Variants in SETBP1 observed in about 807,000 individuals in gnomAD.
SETBP1 encodes the protein SET-binding protein.
A neutral mutation model predicts 101.0 loss-of-function variants in SETBP1; 9 were observed. That is an observed-to-expected ratio of 0.09 (90% CI 0.05 to 0.16). The LOEUF is 0.16. Among genes scored for constraint, SETBP1 ranks in the 10% least tolerant of loss-of-function variants. The pLI, the probability that SETBP1 is intolerant of heterozygous loss-of-function variation, is 1.00. For synonymous variants in SETBP1, 818 were observed against 788.5 expected, an observed-to-expected ratio of 1.04 and a Z score of -0.63; for missense variants, 1,858 against 2,033.8, an observed-to-expected ratio of 0.91 and a Z score of 1.66.
intron 2 of SETBP1, among the ~76,000 whole-genome samples, chr18:44,830,377 C>G (rs1225024140): frequency 6.6e-6 from 1 of 152,218 alleles, no homozygotes; most frequent in East Asian, 1.9e-4. Flanking sequence ...GTATTTTACT[C>G]AACCATACAA....
chr18:45,042,338 C>T (rs1387633987), intron 5 of SETBP1, among the ~76,000 whole-genome samples: 3 of 151,926 alleles, frequency 2.0e-5, no homozygotes, highest in Non-Finnish European at 2.9e-5. Flanking sequence ...TTAGTAGAGG[C>T]GGGGTTTCAC....
At chr18:44,779,999 G>A (rs1410005440) in intron 2 of SETBP1, among the ~76,000 whole-genome samples, 1 of 151,942 alleles carries the variant, frequency 6.6e-6, no homozygotes, top group Non-Finnish European at 1.5e-5. Flanking sequence ...CACACACTCT[G>A]CACTTTCCCG....
chr18:44,837,705 G>A (rs1415185280), intron 2 of SETBP1, among the ~76,000 whole-genome samples: 1 of 152,204 alleles, frequency 6.6e-6, no homozygotes, highest in Non-Finnish European at 1.5e-5. Flanking sequence ...GGATGAGCAT[G>A]ACAGCTGCCC....
chr18:44,687,448 G>A (rs1456780302), intron 1 of SETBP1, among the ~76,000 whole-genome samples: 1 of 152,174 alleles, frequency 6.6e-6, no homozygotes, highest in East Asian at 1.9e-4. Context: ...GAAAGGGAAG[G>A]TGGTGCCCTG....
intron 2 of SETBP1, among the ~76,000 whole-genome samples, chr18:44,734,555 C>T (rs1292141390): frequency 6.6e-6 from 1 of 152,196 alleles, no homozygotes; most frequent in Non-Finnish European, 1.5e-5. Flanking sequence ...CGTGAATTCC[C>T]TGACCACACT....
At position 44,930,493 on chromosome 18, in the gene SETBP1, C is replaced by A. The variant is rs373272072; in HGVS notation, c.541-19388C>A. 1.4e-4 allele frequency among the ~76,000 whole-genome samples: 22 copies of A among 152,178 alleles called. No homozygotes were observed. The East Asian group carries it at 2.9e-3, about 20-fold the overall frequency. On this transcript the variant is annotated intron_variant, in intron 3 of 5. Coordinates refer to ENST00000649279, the MANE Select transcript of SETBP1 (RefSeq NM_015559.3). ...ATTCACTCTTTTTCTATTGATTGGA[C>A]TAGTTTCAGAAGGAATGGTACCAGT...
rs752490647 is a variant in SETBP1 at position 44,950,128 on chromosome 18, C to T, written c.788C>T (p.Ala263Val). ...GAGCCCGTGGCTTCCTTTGCAAAGG[C>T]CCAGGGTAAGAAAGGCAGTGCAGGG... Reference protein sequence around the residue: ...ALEPVASFAKAQGKKGSAGNT... With the variant: ...ALEPVASFAKVQGKKGSAGNT... Residue 263 changes from alanine to valine, a missense_variant, in exon 4 of 6, where the codon GCC becomes GTC. By Grantham distance (64) the Ala-to-Val change is moderately conservative. Around this residue, in one of 12 missense-constraint regions of SETBP1, gnomAD observed 581 missense variants for 535.1 expected, o/e 1.09. Coordinates refer to ENST00000649279, the MANE Select transcript of SETBP1 (RefSeq NM_015559.3). 8.1e-6 allele frequency: 13 copies of T among 1,613,802 alleles called. No individual in the cohort carries two copies. The highest frequency in any genetic ancestry group is 1.3e-5 in the African/African-American group (1 of 74,932).
chr18:44,967,884 C>T (rs1269050649), intron 4 of SETBP1, among the ~76,000 whole-genome samples: 2 of 152,194 alleles, frequency 1.3e-5, no homozygotes, highest in African/African-American at 4.8e-5. Context: ...TGCCATTTCT[C>T]TCTCTCAGAA....
chr18:44,976,369 A>C (rs1218849788), intron 4 of SETBP1, among the ~76,000 whole-genome samples: 1 of 152,186 alleles, frequency 6.6e-6, no homozygotes, highest in African/African-American at 2.4e-5. Context: ...AAGCAAATGA[A>C]CCTGAGTGAG....
intron 3 of SETBP1, among the ~76,000 whole-genome samples, chr18:44,944,548 C>T (rs1471181394): frequency 6.6e-6 from 1 of 152,160 alleles, no homozygotes; most frequent in Non-Finnish European, 1.5e-5. Flanking sequence ...TTGTAACTAG[C>T]ACCTTCAGTG....
At chr18:44,929,533 C>A (rs2144981356) in intron 3 of SETBP1, among the ~76,000 whole-genome samples, 1 of 152,200 alleles carries the variant, frequency 6.6e-6, no homozygotes, top group Non-Finnish European at 1.5e-5. Flanking sequence ...GGCAATATGG[C>A]CATTCTCACG....
chr18:44,971,734 C>T (rs1275692286), intron 4 of SETBP1, among the ~76,000 whole-genome samples: 3 of 151,750 alleles, frequency 2.0e-5, no homozygotes, highest in Admixed American at 6.6e-5. Flanking sequence ...TTTGTTTTTT[C>T]CTTGTAAATT....
At chr18:44,918,276 G>A (rs1254192521) in intron 3 of SETBP1, among the ~76,000 whole-genome samples, 3 of 152,166 alleles carry the variant, frequency 2.0e-5, no homozygotes, top group Admixed American at 6.6e-5. Flanking sequence ...CACTTATGGG[G>A]CAAGGGTCAC....
intron 4 of SETBP1, among the ~76,000 whole-genome samples, chr18:45,024,141 T>C (rs1188056653): frequency 6.6e-6 from 1 of 152,126 alleles, no homozygotes; most frequent in African/African-American, 2.4e-5. Context: ...CTCTCTCCCC[T>C]CTAAAACAAA....
chr18:45,063,811 A>G lies in SETBP1; in HGVS notation c.*113A>G. 7.9e-7 allele frequency: 1 copy of G among 1,265,764 alleles called. No individual in the cohort carries two copies. The highest frequency in any genetic ancestry group is 1.1e-6 in the Non-Finnish European group (1 of 918,688). The allele number at this position is 1,265,764 out of a possible 1,614,324, so 78.4% of individuals were successfully genotyped here. A position where few individuals can be genotyped will look rare whatever the true frequency, so the allele number is the denominator to read the frequency against. ...CAGGGACACCCACGCCCTTCTCTCC[A>G]GAAGCCGGGCAGGCAGAATCCGGCC... On this transcript the variant is annotated 3_prime_UTR_variant, in exon 6 of 6. Transcript: ENST00000649279.
chr18:44,816,581 T>G (rs928374831), intron 2 of SETBP1, among the ~76,000 whole-genome samples: 4 of 152,190 alleles, frequency 2.6e-5, no homozygotes, highest in African/African-American at 9.6e-5. Flanking sequence ...ACGGGAGTCC[T>G]TTCTGTGCAC....
At chr18:44,994,877 G>C (rs924659882) in intron 4 of SETBP1, among the ~76,000 whole-genome samples, 1 of 152,152 alleles carries the variant, frequency 6.6e-6, no homozygotes, top group African/African-American at 2.4e-5. Context: ...GGGCAGGGTT[G>C]CCATGTATGG....
intron 3 of SETBP1, among the ~76,000 whole-genome samples, chr18:44,910,177 G>A (rs960322925): frequency 3.3e-5 from 5 of 152,080 alleles, no homozygotes; most frequent in Non-Finnish European, 1.5e-5. Context: ...TGGAGCAGGA[G>A]GTTCTCACTA....
chr18:44,805,165 CTAGGGATTTAAAT>C (rs1316993922), intron 2 of SETBP1, among the ~76,000 whole-genome samples: 9 of 152,150 alleles, frequency 5.9e-5, no homozygotes, highest in South Asian at 2.1e-4. Context: ...TTTTCTCTCT[CTAGGGATTTAAAT>C]TAGGGATTTA....
Sources: allele counts gnomAD v4.1 joint callset (sites outside exome capture counted in the v4.1 genomes callset), GRCh38; gene constraint gnomAD v4.1.1; regional missense constraint gnomAD v4.1.1; transcripts MANE v1.5; gene names NCBI Gene and HGNC (gene_info 2026-07-23, HGNC 2026-07-21).